Variants in IMMP2L observed in about 807,000 individuals in gnomAD.
IMMP2L encodes the protein inner mitochondrial membrane peptidase subunit 2, also known as mitochondrial inner membrane protease subunit 2.
IMMP2L carries 18 observed loss-of-function variants against 19.3 expected under a neutral mutation model. The observed-to-expected ratio is 0.93, with a 90% CI of 0.64 to 1.38. The LOEUF (loss-of-function observed/expected upper bound fraction) is 1.38, where lower values mean the gene tolerates loss of function less well. Ranked by LOEUF, IMMP2L falls within the 40% of genes most tolerant of loss-of-function variation. The pLI is 0.00. For synonymous variants in IMMP2L, 76 were observed against 73.0 expected, an observed-to-expected ratio of 1.04 and a Z score of -0.21; for missense variants, 233 against 218.2, an observed-to-expected ratio of 1.07 and a Z score of -0.43.
At chr7:111,033,435 A>C (rs1447110517) in intron 3 of IMMP2L, among the ~76,000 whole-genome samples, 1 of 151,980 alleles carries the variant, frequency 6.6e-6, no homozygotes, top group African/African-American at 2.4e-5. Context: ...AACTAAATAG[A>C]CTCTCATCAT....
intron 5 of IMMP2L, among the ~76,000 whole-genome samples, chr7:110,831,465 A>G (rs1563007231): frequency 6.6e-6 from 1 of 152,188 alleles, no homozygotes; most frequent in Non-Finnish European, 1.5e-5. Context: ...GAATCTTGAG[A>G]AAACTTCTTT....
chr7:111,557,606 C>A lies in IMMP2L; in HGVS notation c.-3+4245G>T, dbSNP rs12674058. ...CTACTAAAACCCTTACCTGGTATTG[C>A]AGGCAGAGATCAAGAGCTCTTGCTA... On this transcript the variant is annotated intron_variant, in intron 1 of 5. Transcript: ENST00000405709. Among the ~76,000 whole-genome samples the A allele has an allele frequency of 1.9e-4, 29 of 152,284 alleles. No homozygotes were observed. In the East Asian group the frequency reaches 4.8e-3, roughly 25 times the overall value.
chr7:111,511,887 T>C (rs1030245127), intron 2 of IMMP2L, among the ~76,000 whole-genome samples: 4 of 152,106 alleles, frequency 2.6e-5, no homozygotes, highest in African/African-American at 9.7e-5. Flanking sequence ...GGCCCTTCAC[T>C]TCCCCGTATC....
intron 5 of IMMP2L, among the ~76,000 whole-genome samples, chr7:110,882,341 CCT>C (rs1809760755): frequency 6.8e-6 from 1 of 146,854 alleles, no homozygotes; most frequent in East Asian, 2.0e-4. Flanking sequence ...TCCTTCCTTC[CCT>C]CCTTCCTCTC....
chr7:110,683,200 C>T (rs1792855838), intron 5 of IMMP2L, among the ~76,000 whole-genome samples: 1 of 152,036 alleles, frequency 6.6e-6, no homozygotes, highest in Admixed American at 6.6e-5. Context: ...TGCAGTTATA[C>T]ATCTGTTTAT....
chr7:110,802,637 T>C (rs1050377384), intron 5 of IMMP2L, among the ~76,000 whole-genome samples: 2 of 152,118 alleles, frequency 1.3e-5, no homozygotes, highest in African/African-American at 4.8e-5. Flanking sequence ...GCGTCTTCTT[T>C]GTTATGGGCC....
chr7:111,490,567 C>G (rs1046806303), intron 2 of IMMP2L, among the ~76,000 whole-genome samples: 2 of 151,872 alleles, frequency 1.3e-5, no homozygotes, highest in African/African-American at 4.8e-5. Context: ...CGTTTTCTTT[C>G]CTCTCTAGTA....
At chr7:111,250,239 G>A (rs1166140414) in intron 3 of IMMP2L, among the ~76,000 whole-genome samples, 2 of 151,992 alleles carry the variant, frequency 1.3e-5, no homozygotes, top group African/African-American at 4.8e-5. Context: ...ACAAACCACT[G>A]CTCCAAGAAA....
chr7:110,972,615 A>G (rs1403651383), intron 3 of IMMP2L, among the ~76,000 whole-genome samples: 1 of 152,110 alleles, frequency 6.6e-6, no homozygotes, highest in Non-Finnish European at 1.5e-5. Context: ...AGGGGTTAAA[A>G]AAGACTGTGA....
In IMMP2L at chr7:111,173,786, C is replaced by T. The variant is rs575908464; in HGVS notation, c.240-210221G>A. Among the ~76,000 whole-genome samples the T allele has an allele frequency of 4.0e-5, 6 of 151,692 alleles. No individual in the cohort carries two copies. In the South Asian group the frequency reaches 1.2e-3, roughly 31 times the overall value. On this transcript the variant is annotated intron_variant, in intron 3 of 5. Coordinates refer to ENST00000405709, the MANE Select transcript of IMMP2L (RefSeq NM_032549.4). ...CCTGTAAATGAAAACTAATCAGTCA[C>T]AGGACATATCCAGAAAATGTAGATA...
intron 4 of IMMP2L, among the ~76,000 whole-genome samples, chr7:110,929,894 G>A (rs556033804): frequency 6.6e-6 from 1 of 152,144 alleles, no homozygotes; most frequent in Admixed American, 6.5e-5. Context: ...ATTTCATCGA[G>A]TTCCCAATAA....
chr7:111,540,036 A>G (rs1563332587), intron 1 of IMMP2L, among the ~76,000 whole-genome samples: 1 of 152,184 alleles, frequency 6.6e-6, no homozygotes, highest in East Asian at 1.9e-4. Flanking sequence ...AAAATAATCT[A>G]ATTGAACAAC....
At chr7:111,321,891 T>C (rs1824755365) in intron 3 of IMMP2L, among the ~76,000 whole-genome samples, 1 of 152,012 alleles carries the variant, frequency 6.6e-6, no homozygotes, top group South Asian at 2.1e-4. Flanking sequence ...TTTACTTATA[T>C]TCTTGCCCTT....
rs534141858 is a variant in IMMP2L at position 110,757,569 on chromosome 7, G to A, written c.409-93848C>T. On this transcript the variant is annotated intron_variant, in intron 5 of 5. Transcript: ENST00000405709. The surrounding 1 kb of genome is among the most constrained non-coding windows in gnomAD (Gnocchi z 4.2). ...GTACACATAATGAGGATCCCCAGTT[G>A]AAGTTCAAAGGTCACTGCTTTTCTC... Among the ~76,000 whole-genome samples the A allele has an allele frequency of 6.6e-6, 1 of 152,060 alleles. No homozygotes were observed. Among genetic ancestry groups the A allele is most frequent in the South Asian group, 2.1e-4 (1 of 4,824 alleles).
intron 5 of IMMP2L, among the ~76,000 whole-genome samples, chr7:110,699,968 A>T (rs1304683343): frequency 6.6e-6 from 1 of 152,140 alleles, no homozygotes; most frequent in Admixed American, 6.5e-5. Flanking sequence ...GCCCTCTCTT[A>T]TACAGTCCAT....
chr7:110,963,404 G>T, intron 4 of IMMP2L, 96 bp downstream of exon 4: 2 of 790,178 alleles, frequency 2.5e-6, no homozygotes, highest in East Asian at 2.6e-5. Flanking sequence ...CCAAAACTTT[G>T]GCCCTCATGG....
chr7:111,011,052 A>T (rs1490611988), intron 3 of IMMP2L, among the ~76,000 whole-genome samples: 1 of 152,064 alleles, frequency 6.6e-6, no homozygotes, highest in Non-Finnish European at 1.5e-5. Flanking sequence ...AGATCAGTAG[A>T]TGAGAGTAAT....
At chr7:111,532,379 CTT>C (rs1194947927) in intron 1 of IMMP2L, 1 of 152,058 alleles carries the variant, frequency 6.6e-6, no homozygotes, top group Non-Finnish European at 1.5e-5. Flanking sequence ...AATTGAAAAA[CTT>C]TTTTAAAGAA....
At chr7:111,304,603 A>C (rs1339035333) in intron 3 of IMMP2L, among the ~76,000 whole-genome samples, 3 of 151,752 alleles carry the variant, frequency 2.0e-5, no homozygotes, top group Admixed American at 2.0e-4. Flanking sequence ...ATGGGTGTAT[A>C]TACATATATA....
Sources: gnomAD v4.1 joint callset for allele counts (sites outside exome capture counted in the v4.1 genomes callset) on GRCh38, gnomAD v4.1.1 for gene constraint, Gnocchi (gnomAD v3.1) non-coding constraint, MANE v1.5 for transcripts, NCBI Gene and HGNC (gene_info 2026-07-23, HGNC 2026-07-21) for gene names.